IMMP2L: variants seen among roughly 807,000 people sequenced by gnomAD.
The protein encoded by IMMP2L is inner mitochondrial membrane peptidase subunit 2.
IMMP2L carries 18 observed loss-of-function variants against 19.3 expected under a neutral mutation model. That is an observed-to-expected ratio of 0.93 (90% CI 0.64 to 1.38). IMMP2L has a LOEUF of 1.38. IMMP2L is among the 40% of genes most tolerant of loss of function. The pLI, the probability that IMMP2L is intolerant of heterozygous loss-of-function variation, is 0.00. For missense variants in IMMP2L, 233 were observed against 218.2 expected, an observed-to-expected ratio of 1.07 and a Z score of -0.43; for synonymous variants, 76 against 73.0, an observed-to-expected ratio of 1.04 and a Z score of -0.21.
intron 3 of IMMP2L, among the ~76,000 whole-genome samples, chr7:111,130,231 G>A (rs1801717712): frequency 6.6e-6 from 1 of 152,070 alleles, no homozygotes; most frequent in East Asian, 1.9e-4. Flanking sequence ...TTTCTTAGGA[G>A]CAAACTGAAG....
In IMMP2L at chr7:111,440,561, G is replaced by C. The variant is rs536157520; in HGVS notation, c.239+46677C>G. ...CACAATCTATGCTATGAACAGATGT[G>C]CTATCATCTAGGCTTTGTTGTTCCA... On this transcript the variant is annotated intron_variant, in intron 3 of 5. Coordinates refer to ENST00000405709, the MANE Select transcript of IMMP2L (RefSeq NM_032549.4). 1.2e-4 allele frequency among the ~76,000 whole-genome samples: 18 copies of C among 151,950 alleles called. 1 individual carries two copies. Among genetic ancestry groups the C allele is most frequent in the African/African-American group, 4.4e-4 (18 of 41,262 alleles).
intron 3 of IMMP2L, among the ~76,000 whole-genome samples, chr7:111,107,907 G>C (rs1359978310): frequency 6.6e-6 from 1 of 152,108 alleles, no homozygotes; most frequent in Admixed American, 6.6e-5. Flanking sequence ...TTTCATGTGT[G>C]CTGCATAGAT....
At chr7:111,036,990 T>C (rs1791420083) in intron 3 of IMMP2L, among the ~76,000 whole-genome samples, 1 of 152,184 alleles carries the variant, frequency 6.6e-6, no homozygotes, top group South Asian at 2.1e-4. Flanking sequence ...ATGAATGAAA[T>C]GTCAAGGACC....
chr7:110,889,152 G>A (rs1327899435), intron 4 of IMMP2L, among the ~76,000 whole-genome samples: 1 of 152,218 alleles, frequency 6.6e-6, no homozygotes, highest in Admixed American at 6.5e-5. Context: ...CTTTTAGGCA[G>A]TAGGGACTGA....
intron 3 of IMMP2L, among the ~76,000 whole-genome samples, chr7:111,150,463 A>G (rs1057015721): frequency 5.9e-5 from 9 of 152,146 alleles, no homozygotes; most frequent in Non-Finnish European, 1.3e-4. Flanking sequence ...TCATCTTGAC[A>G]GTACAAACTT....
chr7:111,406,268 C>T (rs1279795045), intron 3 of IMMP2L, among the ~76,000 whole-genome samples: 3 of 152,052 alleles, frequency 2.0e-5, no homozygotes, highest in Non-Finnish European at 4.4e-5. Flanking sequence ...TTCTCTCATA[C>T]TCCATATCCC....
intron 3 of IMMP2L, among the ~76,000 whole-genome samples, chr7:111,050,860 G>A (rs1250725112): frequency 2.6e-5 from 4 of 152,208 alleles, no homozygotes; most frequent in Non-Finnish European, 5.9e-5. Flanking sequence ...TCAGTTGAAA[G>A]CACAGGATAT....
At chr7:110,730,500 G>T (rs1050508803) in intron 5 of IMMP2L, among the ~76,000 whole-genome samples, 10 of 152,122 alleles carry the variant, frequency 6.6e-5, no homozygotes, top group Middle Eastern at 3.4e-3. Flanking sequence ...GAGGTTTTGG[G>T]AGTTGGACTG....
intron 2 of IMMP2L, among the ~76,000 whole-genome samples, chr7:111,503,860 T>A (rs1217934564): frequency 6.6e-6 from 1 of 152,056 alleles, no homozygotes; most frequent in Non-Finnish European, 1.5e-5. Flanking sequence ...CCACAGCCAA[T>A]ATCATACTGA....
chr7:111,488,704 G>A (rs1842850001), intron 2 of IMMP2L, among the ~76,000 whole-genome samples: 1 of 151,952 alleles, frequency 6.6e-6, no homozygotes, highest in Admixed American at 6.6e-5. Flanking sequence ...ATTTTCCTCT[G>A]GGTAGATACC....
intron 5 of IMMP2L, chr7:110,724,732 T>C (rs887503882): frequency 2.6e-5 from 4 of 152,166 alleles, no homozygotes; most frequent in African/African-American, 9.6e-5. Flanking sequence ...ATATGGTTCT[T>C]AGCTCCTCAG....
At chr7:111,489,335 G>A (rs1240788081) in intron 2 of IMMP2L, among the ~76,000 whole-genome samples, 3 of 152,016 alleles carry the variant, frequency 2.0e-5, no homozygotes, top group East Asian at 3.9e-4. Flanking sequence ...GAGCCACCGC[G>A]CCTGGCCTCA....
At chr7:110,984,236 A>G (rs967853956) in intron 3 of IMMP2L, among the ~76,000 whole-genome samples, 5 of 151,964 alleles carry the variant, frequency 3.3e-5, no homozygotes, top group Admixed American at 3.3e-4. Context: ...ATATCAGATT[A>G]ATTTTAAATA....
rs984102396 is a variant in IMMP2L, at chr7:111,310,862, A to G, written c.239+176376T>C. ...TCTAGTAAAAAAGAACACATCTAGA[A>G]GAGTATCTCCAATCAGAATTGCAAC... On this transcript the variant is annotated intron_variant, in intron 3 of 5. Transcript: ENST00000405709. Among the ~76,000 whole-genome samples the G allele has an allele frequency of 2.4e-4, 36 of 152,184 alleles. 1 individual carries two copies. The highest frequency in any genetic ancestry group is 2.0e-4 in the Admixed American group (3 of 15,276).
chr7:111,288,331 A>T (rs1820722689), intron 3 of IMMP2L, among the ~76,000 whole-genome samples: 1 of 152,180 alleles, frequency 6.6e-6, no homozygotes, highest in African/African-American at 2.4e-5. Flanking sequence ...AACCATAAAA[A>T]CCCTAGAAGA....
At chr7:111,110,995 A>C (rs962326949) in intron 3 of IMMP2L, among the ~76,000 whole-genome samples, 4 of 152,128 alleles carry the variant, frequency 2.6e-5, no homozygotes, top group Non-Finnish European at 5.9e-5. Context: ...ATAATATAAA[A>C]CCATTTGCTT....
chr7:110,773,131 C>A (rs1423322457), intron 5 of IMMP2L, among the ~76,000 whole-genome samples: 3 of 151,998 alleles, frequency 2.0e-5, no homozygotes, highest in African/African-American at 7.2e-5. Flanking sequence ...CAACGTTTCA[C>A]AAGACACTGT....
chr7:111,270,570 C>T (rs1364383958), intron 3 of IMMP2L, among the ~76,000 whole-genome samples: 1 of 151,990 alleles, frequency 6.6e-6, no homozygotes, highest in Non-Finnish European at 1.5e-5. Context: ...AGAGAAGAAA[C>T]TTTATGCTAT....
At chr7:111,073,853 AC>A (rs1795164109) in intron 3 of IMMP2L, among the ~76,000 whole-genome samples, 1 of 152,114 alleles carries the variant, frequency 6.6e-6, no homozygotes, top group Non-Finnish European at 1.5e-5. Context: ...TTAATTATTA[AC>A]CTTTGTCTTT....
Sources: gnomAD v4.1 joint callset for allele counts (sites outside exome capture counted in the v4.1 genomes callset) on GRCh38, gnomAD v4.1.1 for gene constraint, MANE v1.5 for transcripts, NCBI Gene and HGNC (gene_info 2026-07-23, HGNC 2026-07-21) for gene names.